Variants in ZSWIM6 observed in about 807,000 individuals in gnomAD.
ZSWIM6 encodes zinc finger SWIM-type containing 6.
In ZSWIM6, 9 loss-of-function variants were observed where a neutral mutation model predicts 113.2. That is an observed-to-expected ratio of 0.08 (90% CI 0.05 to 0.14). The LOEUF (loss-of-function observed/expected upper bound fraction) is 0.14. ZSWIM6 is among the 10% of genes least tolerant of loss of function. The probability of loss-of-function intolerance (pLI) is 1.00; values close to 1 mark genes in which losing one functional copy is unlikely to be tolerated. For missense variants in ZSWIM6, 1,162 were observed against 1,552.2 expected (o/e 0.75, Z 4.22); for synonymous variants, 611 against 606.5 (o/e 1.01, Z -0.11).
At chr5:61,512,941 TACA>T (rs1748829111) in intron 4 of ZSWIM6, among the ~76,000 whole-genome samples, 1 of 151,894 alleles carries the variant, frequency 6.6e-6, no homozygotes, top group African/African-American at 2.4e-5. Flanking sequence ...ACCAGAGTCA[TACA>T]ACTGATGAAC....
At chr5:61,363,782 G>A (rs1413098151) in intron 1 of ZSWIM6, among the ~76,000 whole-genome samples, 1 of 152,090 alleles carries the variant, frequency 6.6e-6, no homozygotes, top group Non-Finnish European at 1.5e-5. Context: ...ATTAACTTTA[G>A]AGGCCAAGAG....
rs1176369047 is a variant in ZSWIM6 at position 61,332,536 on chromosome 5, G to T, written c.264G>T (p.Lys88Asn). Residue 88 changes from lysine (K) to asparagine (N), a missense_variant, in exon 1 of 14, where the codon AAG (lysine) becomes AAT (asparagine). Lys to Asn is a moderately conservative substitution (Grantham distance 94, BLOSUM62 0). Around this residue, in one of 4 missense-constraint regions of ZSWIM6, gnomAD observed 333 missense variants for 293.4 expected, o/e 1.13. Coordinates refer to ENST00000252744, the MANE Select transcript of ZSWIM6 (RefSeq NM_020928.2). ...LDIAARRVAE[K>N]WPFQRVEERF... ...TCGCGGCGCGCAGGGTGGCGGAGAA[G>T]TGGCCGTTCCAGCGCGTGGAGGAGC... 37 of 1,346,518 alleles carry T rather than the reference G, an allele frequency of 2.7e-5. No homozygotes were observed. Among genetic ancestry groups the T allele is most frequent in the Non-Finnish European group, 3.5e-5 (36 of 1,021,154 alleles). The allele number at this position is 1,346,518 out of a possible 1,614,324, so 83.4% of individuals were successfully genotyped here.
intron 2 of ZSWIM6, among the ~76,000 whole-genome samples, chr5:61,482,715 G>A (rs999240939): frequency 1.3e-5 from 2 of 152,108 alleles, no homozygotes; most frequent in African/African-American, 4.8e-5. Context: ...TGTATCACAT[G>A]AGCAGATTTC....
At chr5:61,390,869 C>A in intron 1 of ZSWIM6, 4 of 882,518 alleles carry the variant, frequency 4.5e-6, no homozygotes, top group Non-Finnish European at 7.6e-6. Flanking sequence ...TGGTGTCCAC[C>A]ACACAGTCTT....
chr5:61,395,218 G>T (rs768299638), intron 1 of ZSWIM6, among the ~76,000 whole-genome samples: 3 of 152,084 alleles, frequency 2.0e-5, no homozygotes, highest in Non-Finnish European at 4.4e-5. Context: ...CAGTCAGATT[G>T]TGTAACTTCT....
At chr5:61,410,138 T>C (rs1320334873) in intron 1 of ZSWIM6, among the ~76,000 whole-genome samples, 3 of 152,022 alleles carry the variant, frequency 2.0e-5, no homozygotes, top group Non-Finnish European at 4.4e-5. Flanking sequence ...GAAGTCAGCA[T>C]ATAGACCAGG....
chr5:61,460,404 C>G (rs930042554), intron 1 of ZSWIM6, among the ~76,000 whole-genome samples: 1 of 152,042 alleles, frequency 6.6e-6, no homozygotes, highest in Non-Finnish European at 1.5e-5. Context: ...GTTCTTACAG[C>G]GGTTACCATT....
chr5:61,432,102 TCAAA>T (rs1464218575), intron 1 of ZSWIM6, among the ~76,000 whole-genome samples: 4 of 152,222 alleles, frequency 2.6e-5, no homozygotes, highest in East Asian at 1.9e-4. Context: ...CCCAGACTTG[TCAAA>T]CAAAGGACTG....
At chr5:61,366,140 C>T in intron 1 of ZSWIM6, among the ~76,000 whole-genome samples, 1 of 152,186 alleles carries the variant, frequency 6.6e-6, no homozygotes, top group South Asian at 2.1e-4. Flanking sequence ...CAGCGATCTG[C>T]CCGCCTTGGC....
At position 61,494,329 on chromosome 5, in the gene ZSWIM6, A is replaced by G; in HGVS notation, c.1252A>G (p.Met418Val). The change falls in exon 4 of 14, where the codon ATG (methionine) becomes GTG (valine). Residue 418 changes from methionine (M) to valine (V), a missense_variant. Physicochemically the swap from Met to Val is conservative, Grantham distance 21 (BLOSUM62 1). Coordinates refer to ENST00000252744, the MANE Select transcript of ZSWIM6 (RefSeq NM_020928.2). ...GTTGACCTTGATAACAGAGCAATTC[A>G]TGGCTGACCCTCGCCTGTCACTTTG... ...RMLTLITEQF[M>V]ADPRLSLWRQ... 3 of 1,551,196 alleles carry G rather than the reference A, an allele frequency of 1.9e-6. No homozygotes were observed. Among genetic ancestry groups the G allele is most frequent in the East Asian group, 2.4e-5 (1 of 40,918 alleles).
intron 1 of ZSWIM6, chr5:61,391,277 C>A: frequency 1.1e-6 from 1 of 881,344 alleles, no homozygotes; most frequent in East Asian, 2.4e-5. Context: ...TCAAGCCTCT[C>A]GTGGGCCCAG....
At position 61,336,573 on chromosome 5, in the gene ZSWIM6, C is replaced by A. The variant is rs1453137184; in HGVS notation, c.676+3625C>A. On this transcript the variant is annotated intron_variant, in intron 1 of 13. Coordinates refer to ENST00000252744, the MANE Select transcript of ZSWIM6 (RefSeq NM_020928.2). ...AGGAGTTCGAGAGCAGCCTGGCCAA[C>A]ATGGCAAATCTTCGTCTCTACCAAA... 3.9e-5 allele frequency among the ~76,000 whole-genome samples: 6 copies of A among 152,056 alleles called. No homozygotes were observed. In the East Asian group the frequency reaches 1.2e-3, roughly 29 times the overall value.
At chr5:61,497,953 A>C (rs1207881783) in intron 4 of ZSWIM6, among the ~76,000 whole-genome samples, 1 of 152,068 alleles carries the variant, frequency 6.6e-6, no homozygotes, top group Non-Finnish European at 1.5e-5. Context: ...GAGCACACCT[A>C]TTGTTAGCTG....
intron 7 of ZSWIM6, 49 bp downstream of exon 7, chr5:61,526,445 A>T (rs1004115960): frequency 1.2e-5 from 19 of 1,543,814 alleles, no homozygotes; most frequent in Middle Eastern, 1.7e-4. Context: ...CTTAGTGATG[A>T]CATTACTAGG....
At chr5:61,452,997 T>A (rs1389197888) in intron 1 of ZSWIM6, among the ~76,000 whole-genome samples, 1 of 152,176 alleles carries the variant, frequency 6.6e-6, no homozygotes, top group Non-Finnish European at 1.5e-5. Context: ...AGATTGAGAC[T>A]GTGTGATTTT....
intron 4 of ZSWIM6, among the ~76,000 whole-genome samples, chr5:61,512,425 A>G (rs565806216): frequency 6.6e-6 from 1 of 152,152 alleles, no homozygotes; most frequent in African/African-American, 2.4e-5. Context: ...AGCTATAAAC[A>G]TTCTTGTACA....
rs148287663 is a variant in ZSWIM6 at position 61,463,401 on chromosome 5, G to A, written c.677-9280G>A. Among the ~76,000 whole-genome samples, 3 of 152,262 alleles carry A rather than the reference G, an allele frequency of 2.0e-5. No homozygotes were observed. In the East Asian group the frequency reaches 5.8e-4, roughly 29 times the overall value. On this transcript the variant is annotated intron_variant, in intron 1 of 13. Transcript: ENST00000252744. ...AATATATCTTGGCTAGAAAAGACTT[G>A]TTGAGGCTGTAATTCTAATCCTCTA...
At position 61,543,072 on chromosome 5, in the gene ZSWIM6, A is replaced by G. The variant is rs184012276; in HGVS notation, c.2786-383A>G. On this transcript the variant is annotated intron_variant, in intron 13 of 13. Coordinates refer to ENST00000252744, the MANE Select transcript of ZSWIM6 (RefSeq NM_020928.2). This position sits in a 1 kb window ranked among gnomAD's most constrained non-coding sequence, Gnocchi z 4.3. ...GTACTTTTACCTTACACACAAGCAC[A>G]TAAGCCATGTAAAGTCCCTGTTTTG... is the stretch of plus-strand genomic sequence containing the variant. Among the ~76,000 whole-genome samples the G allele has an allele frequency of 1.3e-5, 2 of 152,356 alleles. No individual in the cohort carries two copies. The highest frequency in any genetic ancestry group is 1.9e-4 in the East Asian group (1 of 5,186).
Position 61,508,094 on chromosome 5 carries a change from T to A in ZSWIM6, c.1334-13169T>A, listed in dbSNP as rs571003826. ...CAGTTTCCTTATCTATAAAGCGGGCTTCTTTTTCATGTGAGGGTGAAATGT... is the reference window on the plus strand; with the variant it reads ...CAGTTTCCTTATCTATAAAGCGGGCATCTTTTTCATGTGAGGGTGAAATGT... On this transcript the variant is annotated intron_variant, in intron 4 of 13. Transcript: ENST00000252744. 3.9e-5 allele frequency among the ~76,000 whole-genome samples: 6 copies of A among 152,314 alleles called. No homozygotes were observed. The South Asian group carries it at 1.0e-3, about 26-fold the overall frequency.
Sources: allele counts gnomAD v4.1 joint callset (sites outside exome capture counted in the v4.1 genomes callset), GRCh38; gene constraint gnomAD v4.1.1; regional missense constraint gnomAD v4.1.1; non-coding constraint Gnocchi (gnomAD v3.1); transcripts MANE v1.5; gene names NCBI Gene and HGNC (gene_info 2026-07-23, HGNC 2026-07-21).